NRG3: variants seen among roughly 807,000 people sequenced by gnomAD.
The protein encoded by NRG3 is neuregulin 3, also known as pro-neuregulin-3, membrane-bound isoform.
In NRG3, 31 loss-of-function variants were observed where a neutral mutation model predicts 66.9. The ratio of observed to expected loss-of-function variants is 0.46; its 90% CI spans 0.35 to 0.63. The LOEUF (loss-of-function observed/expected upper bound fraction) is 0.63, where lower values mean the gene tolerates loss of function less well. NRG3 is among the 20% of genes least tolerant of loss of function. NRG3 has a pLI of 0.00. For synonymous variants in NRG3, 393 were observed against 359.4 expected, an observed-to-expected ratio of 1.09 and a Z score of -1.06; for missense variants, 910 against 878.9, an observed-to-expected ratio of 1.04 and a Z score of -0.45.
At chr10:82,924,764 G>T (rs1452744662) in intron 4 of NRG3, among the ~76,000 whole-genome samples, 4 of 152,114 alleles carry the variant, frequency 2.6e-5, no homozygotes, top group African/African-American at 7.2e-5. Flanking sequence ...ATGATCCTCT[G>T]CATTTTGATG....
chr10:82,062,604 C>CA (rs34824198), intron 1 of NRG3, among the ~76,000 whole-genome samples: 62,609 of 142,970 alleles, frequency 0.44, 13,704 homozygotes, highest in South Asian at 0.56. Context: ...GACTCCATCT[C>CA]AAAAAAAAAA....
At chr10:82,815,974 G>A (rs190300151) in intron 3 of NRG3, among the ~76,000 whole-genome samples, 26 of 152,260 alleles carry the variant, frequency 1.7e-4, no homozygotes, top group African/African-American at 5.8e-4. Context: ...GACCACATGT[G>A]GTACATGTGG....
intron 1 of NRG3, among the ~76,000 whole-genome samples, chr10:82,101,983 A>G (rs570666553): frequency 3.6e-5 from 5 of 140,294 alleles, no homozygotes; most frequent in East Asian, 2.1e-4. Flanking sequence ...CTTATTTTAC[A>G]GTTCTGTATA....
At chr10:82,405,769 G>T (rs1017996499) in intron 2 of NRG3, among the ~76,000 whole-genome samples, 1 of 152,106 alleles carries the variant, frequency 6.6e-6, no homozygotes, top group African/African-American at 2.4e-5. Context: ...CGCCTAGCCT[G>T]GAGTGATCTC....
intron 3 of NRG3, among the ~76,000 whole-genome samples, chr10:82,808,678 C>A (rs919363518): frequency 6.6e-6 from 1 of 152,114 alleles, no homozygotes; most frequent in Non-Finnish European, 1.5e-5. Flanking sequence ...AATAGAATTA[C>A]CCATGCTTCA....
intron 1 of NRG3, among the ~76,000 whole-genome samples, chr10:81,908,227 A>C (rs1268731257): frequency 6.6e-6 from 1 of 152,182 alleles, no homozygotes; most frequent in African/African-American, 2.4e-5. Context: ...TATGATTAGA[A>C]AACATCTTTC....
chr10:82,841,569 G>A (rs2348553), intron 3 of NRG3, among the ~76,000 whole-genome samples: 38,286 of 152,000 alleles, frequency 0.25, 5,385 homozygotes, highest in East Asian at 0.48. Context: ...ATTCAGGCAG[G>A]AGTTGGTACT....
In NRG3 at chr10:82,310,997, C is replaced by T. The variant is rs7088154; in HGVS notation, c.824-47742C>T. Reference sequence around the variant, plus strand: ...AGTGACAGTTCTTTCCAGCTCCTCCCCTGATTACTGATGAGGTATTACTCT... The same window carrying T: ...AGTGACAGTTCTTTCCAGCTCCTCCTCTGATTACTGATGAGGTATTACTCT... On this transcript the variant is annotated intron_variant, in intron 1 of 8. Transcript: ENST00000372141. Among the ~76,000 whole-genome samples, 505 of 123,400 alleles carry T rather than the reference C, an allele frequency of 4.1e-3. 6 individuals carry two copies. The highest frequency in any genetic ancestry group is 0.02 in the East Asian group (60 of 3,004). The allele number at this position is 123,400 out of a possible 152,430, so 81.0% of individuals were successfully genotyped here.
At chr10:81,888,687 T>A (rs1248885381) in intron 1 of NRG3, among the ~76,000 whole-genome samples, 1 of 152,048 alleles carries the variant, frequency 6.6e-6, no homozygotes, top group Non-Finnish European at 1.5e-5. Flanking sequence ...CCAGTGAGGG[T>A]TCTGACCTGG....
At chr10:82,588,783 G>A (rs1422637131) in intron 2 of NRG3, among the ~76,000 whole-genome samples, 2 of 152,130 alleles carry the variant, frequency 1.3e-5, no homozygotes, top group African/African-American at 2.4e-5. Context: ...TTACAGGCGT[G>A]AGCCACCGCA....
chr10:82,844,125 A>G (rs2063195934), intron 3 of NRG3, among the ~76,000 whole-genome samples: 1 of 152,210 alleles, frequency 6.6e-6, no homozygotes, highest in Non-Finnish European at 1.5e-5. Context: ...GCAAAGAAAA[A>G]TAAATCACAG....
chr10:82,905,780 G>A lies in NRG3; in HGVS notation c.1054+40343G>A, dbSNP rs7910265. Among the ~76,000 whole-genome samples, 705 of 152,096 alleles carry A rather than the reference G, an allele frequency of 4.6e-3. 7 individuals carry two copies. The highest frequency in any genetic ancestry group is 0.016 in the African/African-American group (664 of 41,502). ...TTTCATTTGCTCATATTTATTTAAA[G>A]GGCAGCTTTGTCTGAAACTTCTACT... On this transcript the variant is annotated intron_variant, in intron 4 of 8. Coordinates refer to ENST00000372141, the MANE Select transcript of NRG3 (RefSeq NM_001010848.4).
At chr10:82,729,322 TTTC>T in intron 2 of NRG3, among the ~76,000 whole-genome samples, 1 of 152,174 alleles carries the variant, frequency 6.6e-6, no homozygotes, top group South Asian at 2.1e-4. Flanking sequence ...CTCTAAACCT[TTTC>T]TTCTTCATAA....
intron 2 of NRG3, among the ~76,000 whole-genome samples, chr10:82,694,821 T>C (rs2055241859): frequency 6.6e-6 from 1 of 152,182 alleles, no homozygotes. Flanking sequence ...TTATTCAAAT[T>C]AGTTATACAA....
At chr10:82,197,463 A>C (rs2074509985) in intron 1 of NRG3, among the ~76,000 whole-genome samples, 1 of 152,196 alleles carries the variant, frequency 6.6e-6, no homozygotes, top group African/African-American at 2.4e-5. Context: ...AAAGTATAGA[A>C]AATTAAGTAA....
intron 2 of NRG3, among the ~76,000 whole-genome samples, chr10:82,580,156 T>C (rs2046271809): frequency 6.6e-6 from 1 of 152,046 alleles, no homozygotes; most frequent in Non-Finnish European, 1.5e-5. Context: ...TTATTTTCTA[T>C]GTGTGCTTGT....
At chr10:81,894,524 A>G (rs1027655993) in intron 1 of NRG3, among the ~76,000 whole-genome samples, 4 of 152,112 alleles carry the variant, frequency 2.6e-5, no homozygotes, top group Non-Finnish European at 5.9e-5. Flanking sequence ...ATTAATCACC[A>G]CCAAATACAG....
At chr10:81,884,959 C>T (rs1405147305) in intron 1 of NRG3, among the ~76,000 whole-genome samples, 1 of 152,118 alleles carries the variant, frequency 6.6e-6, no homozygotes, top group Non-Finnish European at 1.5e-5. Context: ...TGAAATCTAT[C>T]TTCTTTTTTA....
intron 1 of NRG3, among the ~76,000 whole-genome samples, chr10:82,011,069 A>G (rs1371616187): frequency 6.6e-6 from 1 of 152,152 alleles, no homozygotes; most frequent in Admixed American, 6.5e-5. Flanking sequence ...TACATAGAAT[A>G]TTGTACTGCA....
Sources: gnomAD v4.1 joint callset for allele counts (sites outside exome capture counted in the v4.1 genomes callset) on GRCh38, gnomAD v4.1.1 for gene constraint, MANE v1.5 for transcripts, NCBI Gene and HGNC (gene_info 2026-07-23, HGNC 2026-07-21) for gene names.